Variants in TENM1 observed in about 807,000 individuals in gnomAD.
The protein encoded by TENM1 is teneurin-1.
A neutral mutation model predicts 174.8 loss-of-function variants in TENM1; 35 were observed. The observed-to-expected ratio is 0.20, with a 90% confidence interval of 0.15 to 0.27. The LOEUF (loss-of-function observed/expected upper bound fraction) is 0.27. Ranked by LOEUF, TENM1 falls within the 10% of genes least tolerant of loss-of-function variation. The pLI, the probability that TENM1 is intolerant of heterozygous loss-of-function variation, is 1.00. For synonymous variants in TENM1, 781 were observed against 798.7 expected (o/e 0.98, Z 0.37); for missense variants, 1,633 against 2,130.1 (o/e 0.77, Z 4.59).
intron 3 of TENM1, among the ~76,000 whole-genome samples, chrX:124,737,864 T>C (rs1188615465): frequency 2.7e-5 from 3 of 112,431 alleles, no homozygotes; most frequent in Non-Finnish European, 5.6e-5. Context: ...TGCAACTTTT[T>C]TCCTTTGCCA....
chrX:124,404,889 G>T, intron 27 of TENM1, 142 bp downstream of exon 30: 1 of 520,488 alleles, frequency 1.9e-6, no homozygotes. Context: ...TATCATATAA[G>T]CCAGTCAGTC....
intron 1 of TENM1, among the ~76,000 whole-genome samples, chrX:124,959,802 A>T (rs1569489502): frequency 8.9e-6 from 1 of 111,832 alleles, no homozygotes; most frequent in Non-Finnish European, 1.9e-5. Flanking sequence ...TGACTCTGTT[A>T]TTTCCTTCAA....
chrX:124,902,229 A>T, intron 1 of TENM1, among the ~76,000 whole-genome samples: 1 of 112,207 alleles, frequency 8.9e-6, no homozygotes, highest in Non-Finnish European at 1.9e-5. Context: ...AGTTTCATGA[A>T]TCAAGGAGCC....
the TENM1 span, among the ~76,000 whole-genome samples, chrX:125,176,425 C>G: frequency 6.3e-5 from 7 of 111,152 alleles, no homozygotes; most frequent in African/African-American, 2.3e-4. Flanking sequence ...AATGATTAAG[C>G]GAAGATTTCC....
At chrX:124,493,778 A>G (rs766722832) in intron 20 of TENM1, among the ~76,000 whole-genome samples, 3 of 111,564 alleles carry the variant, frequency 2.7e-5, no homozygotes, top group Admixed American at 9.5e-5. Flanking sequence ...CATGAGGTGT[A>G]ACATTCTGAG....
At chrX:124,582,003 C>T (rs2049328767) in intron 11 of TENM1, among the ~76,000 whole-genome samples, 2 of 111,651 alleles carry the variant, frequency 1.8e-5, no homozygotes, top group Admixed American at 9.5e-5. Flanking sequence ...GTATTAAGCC[C>T]CACATGCATT....
intron 6 of TENM1, among the ~76,000 whole-genome samples, chrX:124,659,961 A>G (rs1449596197): frequency 9.0e-6 from 1 of 111,405 alleles, no homozygotes; most frequent in Non-Finnish European, 1.9e-5. Flanking sequence ...TCCTCATACC[A>G]TATACAAAAA....
chrX:124,479,025 G>C (rs1042631967), intron 22 of TENM1, among the ~76,000 whole-genome samples: 2 of 112,387 alleles, frequency 1.8e-5, no homozygotes, highest in Non-Finnish European at 3.8e-5. Context: ...ACTGACAAAG[G>C]TGAGTGCTGA....
At chrX:124,758,912 A>G (rs1377945677) in intron 3 of TENM1, among the ~76,000 whole-genome samples, 1 of 111,645 alleles carries the variant, frequency 9.0e-6, no homozygotes, top group Non-Finnish European at 1.9e-5. Flanking sequence ...AATGGGTATA[A>G]ATTTTTGATT....
At chrX:124,492,071 C>T (rs1171782633) in intron 20 of TENM1, among the ~76,000 whole-genome samples, 1 of 111,815 alleles carries the variant, frequency 8.9e-6, no homozygotes, top group Admixed American at 9.5e-5. Context: ...CATAGTACAT[C>T]AGTTACATAA....
the TENM1 span, among the ~76,000 whole-genome samples, chrX:124,995,096 A>G: frequency 7.3e-5 from 8 of 110,337 alleles, no homozygotes; most frequent in East Asian, 2.0e-3. Context: ...GCCTTTGTAC[A>G]TGCTTCTCTT....
intron 15 of TENM1, among the ~76,000 whole-genome samples, chrX:124,538,351 G>A (rs901817961): frequency 7.2e-5 from 8 of 111,327 alleles, no homozygotes; most frequent in African/African-American, 2.6e-4. Context: ...GAAAAGCAAC[G>A]GGGACAGACA....
chrX:124,427,858 T>G (rs2060735864), intron 23 of TENM1, among the ~76,000 whole-genome samples: 1 of 111,405 alleles, frequency 9.0e-6, no homozygotes, highest in African/African-American at 3.3e-5. Context: ...ACCCTAGAAT[T>G]ATATGATACT....
chrX:124,847,008 C>T (rs1448310756), intron 3 of TENM1, among the ~76,000 whole-genome samples: 1 of 111,782 alleles, frequency 8.9e-6, no homozygotes, highest in Non-Finnish European at 1.9e-5. Context: ...GGAATGATAT[C>T]TCTTAAATTT....
chrX:124,773,346 G>A (rs1176783621), intron 3 of TENM1, among the ~76,000 whole-genome samples: 1 of 109,044 alleles, frequency 9.2e-6, no homozygotes, highest in Non-Finnish European at 1.9e-5. Flanking sequence ...ACTACCCTGA[G>A]GCAATATAGA....
In TENM1 at chrX:124,593,678, G is replaced by T. The variant is rs1332439122; in HGVS notation, c.2078-28118C>A. 2.7e-5 allele frequency among the ~76,000 whole-genome samples: 3 copies of T among 111,854 alleles called. No individual in the cohort carries two copies. In the Admixed American group the frequency reaches 2.8e-4, roughly 11 times the overall value. ...CCTGAATTTCTGCCTGGGGTGGAGT[G>T]GAGAGGGCTCTGCTGCACCATGACC... On this transcript the variant is annotated intron_variant, in intron 11 of 31. Coordinates refer to ENST00000422452, the Ensembl canonical transcript of TENM1.
At chrX:124,399,887 G>A (rs1272883188) in intron 27 of TENM1, among the ~76,000 whole-genome samples, 4 of 111,569 alleles carry the variant, frequency 3.6e-5, no homozygotes, top group African/African-American at 1.3e-4. Flanking sequence ...TGGGAGATTC[G>A]CTTGAGCCCG....
At chrX:125,059,345 T>C in the TENM1 span, among the ~76,000 whole-genome samples, 1 of 111,753 alleles carries the variant, frequency 8.9e-6, no homozygotes. Context: ...CTTTTGTTTA[T>C]TTAAGGCATA....
intron 5 of TENM1, among the ~76,000 whole-genome samples, chrX:124,682,330 G>C (rs565655547): frequency 1.4e-4 from 16 of 111,424 alleles, no homozygotes; most frequent in African/African-American, 3.6e-4. Context: ...ATAAAGGTTA[G>C]CATAAAGCAG....
Sources: gnomAD v4.1 joint callset for allele counts (sites outside exome capture counted in the v4.1 genomes callset) on GRCh38, gnomAD v4.1.1 for gene constraint, MANE v1.5 for transcripts, NCBI Gene and HGNC (gene_info 2026-07-23, HGNC 2026-07-21) for gene names.